The following TRMT2B variants were observed in gnomAD, a reference collection of about 807,000 sequenced individuals.
The protein encoded by TRMT2B is tRNA methyltransferase 2B.
In TRMT2B, 34 loss-of-function variants were observed where a neutral mutation model predicts 39.7. The observed-to-expected ratio is 0.86, with a 90% CI of 0.65 to 1.14. The LOEUF is 1.14. Among genes scored for constraint, TRMT2B ranks in the 50% most tolerant of loss-of-function variants. The probability of loss-of-function intolerance (pLI) is 0.00; values close to 1 mark genes in which losing one functional copy is unlikely to be tolerated. For synonymous variants in TRMT2B, 132 were observed against 137.3 expected, an observed-to-expected ratio of 0.96 and a Z score of 0.27; for missense variants, 318 against 377.2, an observed-to-expected ratio of 0.84 and a Z score of 1.30.
At chrX:101,036,853 G>C in intron 6 of TRMT2B, 121 bp downstream of exon 6, 2 of 528,678 alleles carry the variant, frequency 3.8e-6, no homozygotes, top group South Asian at 2.8e-5. Context: ...ATCACGTTCT[G>C]CATCAAAGAC....
chrX:101,022,060 C>T lies in TRMT2B; in HGVS notation c.759G>A (p.Glu253=). The stretch of plus-strand genomic sequence containing the variant: ...CAATCTCCTTCTGAACATGGAGCTC[C>T]TCCTGCCCAGACCATAAAATTAGCA... ...ITFHPQKLSQ[E]ELHVQKEIVK... is the part of the protein sequence containing the mutation. Residue 253 remains glutamate (E), a splice_region_variant and synonymous_variant, in exon 9 of 14, where the codon GAG becomes GAA. Coordinates refer to ENST00000372936, the MANE Select transcript of TRMT2B (RefSeq NM_024917.6). 8.3e-7 allele frequency: 1 copy of T among 1,202,241 alleles called. No individual in the cohort carries two copies. Among genetic ancestry groups the T allele is most frequent in the Non-Finnish European group, 1.1e-6 (1 of 886,798 alleles).
chrX:101,040,808 A>T (rs1217726096), intron 4 of TRMT2B, among the ~76,000 whole-genome samples: 1 of 111,966 alleles, frequency 8.9e-6, no homozygotes, highest in African/African-American at 3.2e-5. Context: ...GGAAACAGAC[A>T]TTTGGATCTA....
the TRMT2B span, chrX:100,973,635 A>G: frequency 8.7e-7 from 1 of 1,155,534 alleles, no homozygotes; most frequent in Non-Finnish European, 1.2e-6. Context: ...TGTTTATAAC[A>G]GGACTTACTT....
intron 9 of TRMT2B, among the ~76,000 whole-genome samples, chrX:101,021,717 G>C (rs780468521): frequency 8.9e-6 from 1 of 112,572 alleles, no homozygotes; most frequent in East Asian, 2.8e-4. Flanking sequence ...GGAGGCCCCA[G>C]CATCTCAGCT....
At chrX:101,048,107 TACACATACAC>T (rs2088803149) in intron 2 of TRMT2B, among the ~76,000 whole-genome samples, 1 of 53,200 alleles carries the variant, frequency 1.9e-5, no homozygotes, top group South Asian at 1.3e-3. Context: ...TTTACATTTA[TACACATACAC>T]ACACACACAC....
At chrX:101,004,338 GA>G in the TRMT2B span, among the ~76,000 whole-genome samples, 23 of 104,928 alleles carry the variant, frequency 2.2e-4, no homozygotes, top group Non-Finnish European at 2.9e-4. Context: ...CTATCACACA[GA>G]AAAAAAAAAC....
At chrX:101,030,829 G>A (rs1569481596) in intron 7 of TRMT2B, among the ~76,000 whole-genome samples, 1 of 110,777 alleles carries the variant, frequency 9.0e-6, no homozygotes, top group Non-Finnish European at 1.9e-5. Flanking sequence ...AGGAGATTTG[G>A]ATATAATTTT....
the TRMT2B span, chrX:100,990,241 A>G: frequency 1.6e-6 from 1 of 620,654 alleles, no homozygotes; most frequent in Middle Eastern, 8.9e-4. Context: ...ACTGGCCAAT[A>G]CCCTCCTACC....
intron 4 of TRMT2B, among the ~76,000 whole-genome samples, chrX:101,039,236 A>AT (rs1281772630): frequency 1.3e-3 from 135 of 107,194 alleles, no homozygotes; most frequent in Non-Finnish European, 2.3e-3. Context: ...CACCTGGCTA[A>AT]TTTTTTTGTA....
At chrX:101,006,954 C>T (rs2086111551), downstream of TRMT2B, among the ~76,000 whole-genome samples, 1 of 111,629 alleles carries the variant, frequency 9.0e-6, no homozygotes, top group African/African-American at 3.3e-5. Context: ...TGTTTATATG[C>T]ACTGGGAAAC....
At chrX:101,001,786 G>A in the TRMT2B span, among the ~76,000 whole-genome samples, 4 of 100,622 alleles carry the variant, frequency 4.0e-5, no homozygotes, top group African/African-American at 1.1e-4. Flanking sequence ...CTTAAAACAC[G>A]GAATTCAAAT....
chrX:100,982,548 G>A, the TRMT2B span, among the ~76,000 whole-genome samples: 18 of 109,844 alleles, frequency 1.6e-4, no homozygotes, highest in South Asian at 3.9e-4. Flanking sequence ...TGGATACTGA[G>A]AACCAATAAC....
At chrX:101,036,437 T>A (rs1602631216) in intron 6 of TRMT2B, among the ~76,000 whole-genome samples, 1 of 67,894 alleles carries the variant, frequency 1.5e-5, no homozygotes, top group Non-Finnish European at 2.5e-5. Context: ...AGTGCGAGAC[T>A]CCATCTCAAA....
At chrX:101,010,899 G>A (rs1314584767) in intron 13 of TRMT2B, among the ~76,000 whole-genome samples, 192 bp from the exon 14 acceptor site, 3 of 111,533 alleles carry the variant, frequency 2.7e-5, no homozygotes, top group African/African-American at 9.8e-5. Context: ...TCTTTTTAAG[G>A]GTAGAAATGA....
chrX:101,020,108 A>C (rs2086723477), intron 11 of TRMT2B, among the ~76,000 whole-genome samples: 2 of 111,762 alleles, frequency 1.8e-5, no homozygotes, highest in Admixed American at 9.6e-5. Flanking sequence ...GTTTGACAGA[A>C]GACTGTGTTT....
chrX:101,040,710 T>C (rs754487910), intron 4 of TRMT2B, among the ~76,000 whole-genome samples: 1 of 111,665 alleles, frequency 9.0e-6, no homozygotes, highest in Non-Finnish European at 1.9e-5. Flanking sequence ...GGCTACCATG[T>C]TGGAAAGCAC....
chrX:100,977,204 A>G, the TRMT2B span, among the ~76,000 whole-genome samples: 2 of 110,246 alleles, frequency 1.8e-5, no homozygotes, highest in Admixed American at 1.9e-4. Flanking sequence ...GTACTCCCTC[A>G]CTTACTCTAA....
intron 7 of TRMT2B, among the ~76,000 whole-genome samples, chrX:101,032,832 C>T (rs1363021062): frequency 9.4e-6 from 1 of 106,791 alleles, no homozygotes; most frequent in East Asian, 2.9e-4. Context: ...GGATAACAGC[C>T]ATGCAGAAGA....
At chrX:100,991,345 G>T in the TRMT2B span, among the ~76,000 whole-genome samples, 1 of 109,071 alleles carries the variant, frequency 9.2e-6, no homozygotes, top group Non-Finnish European at 1.9e-5. Context: ...TTTATTGAGT[G>T]CATTCTGGAT....
Sources: gnomAD v4.1 joint callset for allele counts (sites outside exome capture counted in the v4.1 genomes callset) on GRCh38, gnomAD v4.1.1 for gene constraint, MANE v1.5 for transcripts, NCBI Gene and HGNC (gene_info 2026-07-23, HGNC 2026-07-21) for gene names.